SLC38A8: variants seen among roughly 807,000 people sequenced by gnomAD.
SLC38A8 encodes the protein solute carrier family 38 member 8.
In SLC38A8, 65 loss-of-function variants were observed where a neutral mutation model predicts 46.0. The ratio of observed to expected loss-of-function variants is 1.41; its 90% CI spans 1.16 to 1.74. The LOEUF (loss-of-function observed/expected upper bound fraction) is 1.74, where lower values mean the gene tolerates loss of function less well. SLC38A8 is among the 40% of genes most tolerant of loss of function. The pLI is 0.00. For synonymous variants in SLC38A8, 447 were observed against 243.7 expected (o/e 1.83, Z -7.77); for missense variants, 998 against 567.9 (o/e 1.76, Z -7.70).
Position 84,038,555 on chromosome 16 carries a change from G to A in SLC38A8, c.190-1655C>T, listed in dbSNP as rs182932103. 2.2e-3 allele frequency among the ~76,000 whole-genome samples: 337 copies of A among 152,324 alleles called. 1 individual carries two copies. The highest frequency in any genetic ancestry group is 7.7e-3 in the African/African-American group (320 of 41,564). On this transcript the variant is annotated intron_variant, in intron 2 of 10. Coordinates refer to ENST00000299709, the MANE Select transcript of SLC38A8 (RefSeq NM_001080442.3). ...TGCCTACCATGCATTAGAGCTTGATGTTTGTTCATTCACCGGCCTTTTCTC... is the reference window on the plus strand; with the variant it reads ...TGCCTACCATGCATTAGAGCTTGATATTTGTTCATTCACCGGCCTTTTCTC...
intron 10 of SLC38A8, among the ~76,000 whole-genome samples, chr16:84,011,276 T>G (rs912491512): frequency 6.6e-6 from 1 of 152,166 alleles, no homozygotes; most frequent in Non-Finnish European, 1.5e-5. Flanking sequence ...TAAAAACTGT[T>G]GTGAGCTCAG....
intron 10 of SLC38A8, 65 bp from the exon 11 acceptor site, chr16:84,009,942 A>C: frequency 6.9e-7 from 1 of 1,448,046 alleles, no homozygotes; most frequent in East Asian, 2.3e-5. Flanking sequence ...CCACACACAC[A>C]TAAAAAATTC....
At chr16:84,011,405 C>G (rs2084951468) in intron 10 of SLC38A8, among the ~76,000 whole-genome samples, 1 of 152,180 alleles carries the variant, frequency 6.6e-6, no homozygotes, top group South Asian at 2.1e-4. Flanking sequence ...TTAGAAACAT[C>G]CAGAAACACT....
chr16:84,010,396 A>G (rs1237441418), intron 10 of SLC38A8, among the ~76,000 whole-genome samples: 1 of 152,014 alleles, frequency 6.6e-6, no homozygotes, highest in Non-Finnish European at 1.5e-5. Context: ...AAGCCCTCCG[A>G]TCCCACCTGT....
chr16:84,034,828 C>G (rs193154312), intron 3 of SLC38A8, among the ~76,000 whole-genome samples: 1 of 152,076 alleles, frequency 6.6e-6, no homozygotes, highest in Non-Finnish European at 1.5e-5. Context: ...GGCCCTTTGT[C>G]TGCATCTGGA....
intron 3 of SLC38A8, among the ~76,000 whole-genome samples, chr16:84,035,658 G>C (rs1484141719): frequency 6.6e-5 from 10 of 152,202 alleles, no homozygotes; most frequent in East Asian, 3.8e-4. Context: ...AGAATGAGAA[G>C]AGAACTTCTA....
At chr16:84,037,136 G>A (rs1313437751) in intron 2 of SLC38A8, among the ~76,000 whole-genome samples, 1 of 152,220 alleles carries the variant, frequency 6.6e-6, no homozygotes, top group African/African-American at 2.4e-5. Flanking sequence ...ACTGGCTCTA[G>A]GCTGTGAACC....
chr16:84,017,645 G>A (rs1454618975), intron 7 of SLC38A8, among the ~76,000 whole-genome samples: 1 of 152,176 alleles, frequency 6.6e-6, no homozygotes, highest in East Asian at 1.9e-4. Context: ...TCTAAAGAAA[G>A]CAGCTAGCTG....
intron 6 of SLC38A8, 148 bp from the exon 7 acceptor site, chr16:84,023,037 C>G: frequency 1.7e-6 from 1 of 596,416 alleles, no homozygotes; most frequent in Non-Finnish European, 2.9e-6. Context: ...CTTTAATTCA[C>G]AGTACACCCC....
intron 6 of SLC38A8, among the ~76,000 whole-genome samples, chr16:84,024,935 C>T (rs1381857413): frequency 1.3e-5 from 2 of 152,164 alleles, no homozygotes; most frequent in Admixed American, 1.3e-4. Flanking sequence ...CCCACCTCGG[C>T]CTCGCAAAGT....
intron 7 of SLC38A8, among the ~76,000 whole-genome samples, chr16:84,018,870 G>C (rs552005330): frequency 8.5e-5 from 13 of 152,260 alleles, no homozygotes; most frequent in African/African-American, 3.1e-4. Flanking sequence ...GAGATATATG[G>C]GGTGGGTATA....
intron 5 of SLC38A8, 102 bp downstream of exon 5, chr16:84,031,765 C>T (rs889919773): frequency 2.1e-6 from 2 of 974,362 alleles, no homozygotes; most frequent in African/African-American, 3.2e-5. Context: ...AGCCCAGGCT[C>T]TGCAGTGAGC....
chr16:84,028,957 C>T (rs1035029371), intron 6 of SLC38A8, among the ~76,000 whole-genome samples: 4 of 152,200 alleles, frequency 2.6e-5, no homozygotes. Flanking sequence ...TCCTCCCTCC[C>T]ATGACATTCT....
At chr16:84,021,424 C>T (rs908677904) in intron 7 of SLC38A8, among the ~76,000 whole-genome samples, 20 of 152,166 alleles carry the variant, frequency 1.3e-4, no homozygotes, top group African/African-American at 4.3e-4. Flanking sequence ...ACAGTTCAGC[C>T]AAATTATTTG....
intron 10 of SLC38A8, among the ~76,000 whole-genome samples, chr16:84,011,101 G>A (rs1325827000): frequency 6.6e-6 from 1 of 152,202 alleles, no homozygotes; most frequent in East Asian, 1.9e-4. Flanking sequence ...ATTTCTAACC[G>A]AGCAGCATCT....
chr16:84,024,871 G>A (rs887811574), intron 6 of SLC38A8, among the ~76,000 whole-genome samples: 17 of 152,060 alleles, frequency 1.1e-4, no homozygotes, highest in African/African-American at 4.1e-4. Flanking sequence ...GGTAGAGACA[G>A]GGTTTCACCA....
rs182247984 is a variant in SLC38A8 at position 84,020,882 on chromosome 16, C to T, written c.805+1893G>A. On this transcript the variant is annotated intron_variant, in intron 7 of 10. Transcript: ENST00000299709. ...TTTCCTATACGCGCTGCACTCTATA[C>T]GGCCAGGCTGAAAGAGTTCCAGATC... Among the ~76,000 whole-genome samples the T allele has an allele frequency of 6.6e-5, 10 of 152,284 alleles. No individual in the cohort carries two copies. In the East Asian group the frequency reaches 7.7e-4, roughly 12 times the overall value.
Position 84,016,641 on chromosome 16 carries a change from C to G in SLC38A8, c.1040G>C (p.Arg347Pro). Reference protein sequence around the residue: ...ALADPSGLWVRMPLTILWVTV... With the variant: ...ALADPSGLWVPMPLTILWVTV... ...GACCCACAGGATGGTCAGCGGCATC[C>G]GGACCCACAGCCCTGAGGGGTCGGC... Residue 347 changes from arginine (R) to proline (P), a missense_variant, in exon 9 of 11, where the codon CGG becomes CCG. Arg to Pro is a moderately radical substitution (Grantham distance 103, BLOSUM62 -2). Transcript: ENST00000299709. 1 of 1,613,838 alleles carries G rather than the reference C, an allele frequency of 6.2e-7. No individual in the cohort carries two copies. The highest frequency in any genetic ancestry group is 1.1e-5 in the South Asian group (1 of 91,086).
intron 6 of SLC38A8, among the ~76,000 whole-genome samples, chr16:84,025,491 ACTCAGCGTCT>A (rs139791450): frequency 0.019 from 2,910 of 151,910 alleles, 92 homozygotes; most frequent in African/African-American, 0.067. Context: ...CGGTTTGTCT[ACTCAGCGTCT>A]CTCAACCACA....
Sources: gnomAD v4.1 joint callset for allele counts (sites outside exome capture counted in the v4.1 genomes callset) on GRCh38, gnomAD v4.1.1 for gene constraint, MANE v1.5 for transcripts, NCBI Gene and HGNC (gene_info 2026-07-23, HGNC 2026-07-21) for gene names.